HS6ST3: variants seen among roughly 807,000 people sequenced by gnomAD.
HS6ST3 encodes the protein heparan sulfate 6-O-sulfotransferase 3.
HS6ST3 carries 12 observed loss-of-function variants against 36.7 expected under a neutral mutation model. The observed-to-expected ratio is 0.33, with a 90% CI of 0.21 to 0.53. HS6ST3 has a LOEUF of 0.53. Ranked by LOEUF, HS6ST3 falls within the 20% of genes least tolerant of loss-of-function variation. The pLI, the probability that HS6ST3 is intolerant of heterozygous loss-of-function variation, is 0.95. For synonymous variants in HS6ST3, 240 were observed against 257.5 expected (o/e 0.93, Z 0.65); for missense variants, 584 against 640.9 (o/e 0.91, Z 0.96).
At chr13:96,381,878 T>C (rs1253591194) in intron 1 of HS6ST3, among the ~76,000 whole-genome samples, 1 of 152,068 alleles carries the variant, frequency 6.6e-6, no homozygotes, top group Non-Finnish European at 1.5e-5. Flanking sequence ...TTAACAGCAG[T>C]TTCTTAGTTA....
At chr13:96,355,715 G>A (rs1594761286) in intron 1 of HS6ST3, among the ~76,000 whole-genome samples, 2 of 152,142 alleles carry the variant, frequency 1.3e-5, no homozygotes, top group Non-Finnish European at 2.9e-5. Context: ...TGTCTGATCA[G>A]GGTGGTGGTT....
chr13:96,447,479 T>C (rs1394550019), intron 1 of HS6ST3, among the ~76,000 whole-genome samples: 1 of 152,114 alleles, frequency 6.6e-6, no homozygotes, highest in Non-Finnish European at 1.5e-5. Context: ...TCCAGAAACA[T>C]TTCTTGTCTA....
At chr13:96,215,397 A>G (rs2054419932) in intron 1 of HS6ST3, among the ~76,000 whole-genome samples, 1 of 152,220 alleles carries the variant, frequency 6.6e-6, no homozygotes, top group African/African-American at 2.4e-5. Context: ...TAGATATGAA[A>G]TGCCGATGGC....
intron 1 of HS6ST3, among the ~76,000 whole-genome samples, chr13:96,638,186 A>G (rs2139004853): frequency 6.6e-6 from 1 of 152,168 alleles, no homozygotes; most frequent in East Asian, 1.9e-4. Flanking sequence ...CTTACCTATC[A>G]TCAGTACCAG....
At chr13:96,165,264 T>A (rs2054155007) in intron 1 of HS6ST3, among the ~76,000 whole-genome samples, 1 of 152,192 alleles carries the variant, frequency 6.6e-6, no homozygotes, top group Admixed American at 6.5e-5. Context: ...AATTGACTCC[T>A]TCTTTCTATA....
chr13:96,617,414 A>G (rs925416274), intron 1 of HS6ST3, among the ~76,000 whole-genome samples: 8 of 152,222 alleles, frequency 5.3e-5, no homozygotes, highest in African/African-American at 7.2e-5. Flanking sequence ...TAAACTGTGC[A>G]ATAGTGAAGC....
intron 1 of HS6ST3, among the ~76,000 whole-genome samples, chr13:96,171,104 C>CA (rs2054185759): frequency 6.6e-6 from 1 of 152,154 alleles, no homozygotes; most frequent in Non-Finnish European, 1.5e-5. Context: ...GTGAAGACCA[C>CA]AAAATCCCAT....
chr13:96,103,984 AC>A (rs2075404906), intron 1 of HS6ST3, among the ~76,000 whole-genome samples: 2 of 142,736 alleles, frequency 1.4e-5, no homozygotes, highest in Admixed American at 7.1e-5. Flanking sequence ...CCATTGCTTT[AC>A]CCTTTTGAGA....
intron 1 of HS6ST3, among the ~76,000 whole-genome samples, chr13:96,468,947 T>C (rs1472241457): frequency 6.6e-6 from 1 of 152,212 alleles, no homozygotes; most frequent in African/African-American, 2.4e-5. Context: ...ACTGTTTTCC[T>C]CTTGTTTATT....
chr13:96,096,527 AAAAG>A (rs763219062), intron 1 of HS6ST3, among the ~76,000 whole-genome samples: 2 of 152,170 alleles, frequency 1.3e-5, no homozygotes, highest in Non-Finnish European at 2.9e-5. Context: ...AGAAAAGAAA[AAAAG>A]GATTATAAAT....
At chr13:96,496,245 T>C (rs1178440119) in intron 1 of HS6ST3, among the ~76,000 whole-genome samples, 1 of 152,194 alleles carries the variant, frequency 6.6e-6, no homozygotes, top group Non-Finnish European at 1.5e-5. Context: ...GCATTCTTCT[T>C]GGGGATGGAG....
chr13:96,442,159 C>T (rs932637547), intron 1 of HS6ST3, among the ~76,000 whole-genome samples: 7 of 151,782 alleles, frequency 4.6e-5, no homozygotes, highest in Non-Finnish European at 8.8e-5. Flanking sequence ...GTGGCTGGGA[C>T]GACAGGTGTG....
At chr13:96,096,113 T>C (rs1437913257) in intron 1 of HS6ST3, among the ~76,000 whole-genome samples, 1 of 152,006 alleles carries the variant, frequency 6.6e-6, no homozygotes, top group Non-Finnish European at 1.5e-5. Flanking sequence ...CCATGTCATA[T>C]GAGAATTAAT....
chr13:96,790,146 T>C (rs1352713150), intron 1 of HS6ST3, among the ~76,000 whole-genome samples: 4 of 151,990 alleles, frequency 2.6e-5, no homozygotes, highest in Non-Finnish European at 5.9e-5. Flanking sequence ...GATCTACATG[T>C]AAGTTTACTA....
At chr13:96,503,360 G>A (rs141712673) in intron 1 of HS6ST3, among the ~76,000 whole-genome samples, 193 of 152,280 alleles carry the variant, frequency 1.3e-3, no homozygotes, top group Non-Finnish European at 2.1e-3. Context: ...TGTCTGTACT[G>A]GCCTGGTGTT....
intron 1 of HS6ST3, among the ~76,000 whole-genome samples, chr13:96,584,555 G>A (rs1056979592): frequency 6.6e-6 from 1 of 152,162 alleles, no homozygotes; most frequent in Non-Finnish European, 1.5e-5. Flanking sequence ...GGCACATAGA[G>A]GTGCTCAATA....
chr13:96,214,063 T>C (rs536060937), intron 1 of HS6ST3, among the ~76,000 whole-genome samples: 2 of 152,326 alleles, frequency 1.3e-5, no homozygotes, highest in Admixed American at 1.3e-4. Flanking sequence ...AGGAAGGAGT[T>C]ACTAACTTGA....
intron 1 of HS6ST3, among the ~76,000 whole-genome samples, chr13:96,163,222 ATTTTTTTT>A (rs147731415): frequency 2.5e-5 from 2 of 79,076 alleles, no homozygotes; most frequent in Non-Finnish European, 4.4e-5. Flanking sequence ...TCTGAGATAC[ATTTTTTTT>A]TTTTTTTTTT....
At chr13:96,607,824 A>G (rs972953053) in intron 1 of HS6ST3, among the ~76,000 whole-genome samples, 3 of 152,274 alleles carry the variant, frequency 2.0e-5, no homozygotes, top group Non-Finnish European at 2.9e-5. Context: ...CTAGAGAAAA[A>G]ATTAAGTCAG....
Sources: gnomAD v4.1 joint callset for allele counts (sites outside exome capture counted in the v4.1 genomes callset) on GRCh38, gnomAD v4.1.1 for gene constraint, MANE v1.5 for transcripts, NCBI Gene and HGNC (gene_info 2026-07-23, HGNC 2026-07-21) for gene names.